Variants in GCN1 observed in about 807,000 individuals in gnomAD.
GCN1 encodes stalled ribosome sensor GCN1.
In GCN1, 90 loss-of-function variants were observed where a neutral mutation model predicts 288.4. The ratio of observed to expected loss-of-function variants is 0.31; its 90% CI spans 0.26 to 0.37. GCN1 has a LOEUF of 0.37. Among genes scored for constraint, GCN1 ranks in the 10% least tolerant of loss-of-function variants. The probability of loss-of-function intolerance (pLI) is 1.00; values close to 1 mark genes in which losing one functional copy is unlikely to be tolerated. For missense variants in GCN1, 2,586 were observed against 3,419.9 expected, an observed-to-expected ratio of 0.76 and a Z score of 6.08; for synonymous variants, 1,386 against 1,420.2, an observed-to-expected ratio of 0.98 and a Z score of 0.54.
intron 45 of GCN1, 28 bp downstream of exon 45, chr12:120,140,831 G>C: frequency 6.2e-7 from 1 of 1,606,594 alleles, no homozygotes; most frequent in Non-Finnish European, 8.5e-7. Context: ...GCAGTGCACA[G>C]CTGGCGGGAT....
chr12:120,140,527 C>T (rs1877154209), intron 45 of GCN1, among the ~76,000 whole-genome samples: 1 of 152,158 alleles, frequency 6.6e-6, no homozygotes, highest in African/African-American at 2.4e-5. Flanking sequence ...AGGAGGTGCA[C>T]ACATTTTAAC....
Position 120,156,601 on chromosome 12 carries a change from G to A in GCN1, c.3172C>T (p.Leu1058=). The change falls in exon 28 of 58, where the codon CTG becomes TTG. Residue 1058 remains leucine, a synonymous_variant. Transcript: ENST00000300648. This position sits in a 1 kb window ranked among gnomAD's most constrained non-coding sequence, Gnocchi z 5.8. The part of the protein sequence containing the change: ...IGTGSPRLQV[L]ASDTLTTLCA... ...AGGGTGGTCAGGGTGTCTGAAGCCA[G>A]AACCTAAGGAGAACATCAATCCACT... is the stretch of plus-strand genomic sequence containing the variant. The A allele has an allele frequency of 6.2e-7, 1 of 1,613,908 alleles. No individual in the cohort carries two copies. Among genetic ancestry groups the A allele is most frequent in the Non-Finnish European group, 8.5e-7 (1 of 1,179,866 alleles).
chr12:120,187,523 T>C (rs1878858961), intron 2 of GCN1, among the ~76,000 whole-genome samples: 1 of 152,020 alleles, frequency 6.6e-6, no homozygotes, highest in Non-Finnish European at 1.5e-5. Flanking sequence ...GCCATGGCCA[T>C]GGTTTTCAAA....
At position 120,137,665 on chromosome 12, in the gene GCN1, G is replaced by A. The variant is rs1337385160; in HGVS notation, c.6543C>T (p.Arg2181=). 3 of 1,614,204 alleles carry A rather than the reference G, an allele frequency of 1.9e-6. No individual in the cohort carries two copies. Among genetic ancestry groups the A allele is most frequent in the Non-Finnish European group, 2.5e-6 (3 of 1,180,024 alleles). The change falls in exon 49 of 58, where the codon CGC becomes CGT. Residue 2181 remains arginine (R), a synonymous_variant. Coordinates refer to ENST00000300648, the MANE Select transcript of GCN1 (RefSeq NM_006836.2). This position sits in a 1 kb window ranked among gnomAD's most constrained non-coding sequence, Gnocchi z 5.2. ...AAIILNIYCS[R]SKADYTSHLR... is the part of the protein sequence containing the mutation. ...GGTGGCTGGTGTAGTCAGCCTTTGA[G>A]CGGGAACAGTAGATGTTGAGGATGA... is the stretch of plus-strand genomic sequence containing the variant.
chr12:120,154,718 G>T (rs948747267), intron 31 of GCN1, among the ~76,000 whole-genome samples: 1 of 152,198 alleles, frequency 6.6e-6, no homozygotes, highest in African/African-American at 2.4e-5. Context: ...AGCCACATGC[G>T]GTTAGTGGCT....
In GCN1 at chr12:120,156,361, C is replaced by T; in HGVS notation, c.3312+100G>A. ...CTTCTTCTCTTTGCCTCTAGGCCTC[C>T]CACCAGAGTGAGGGACATTCTCTCA... On this transcript the variant is annotated intron_variant, in intron 28 of 57. Transcript: ENST00000300648. This position sits in a 1 kb window ranked among gnomAD's most constrained non-coding sequence, Gnocchi z 5.8. 1 of 1,222,784 alleles carries T rather than the reference C, an allele frequency of 8.2e-7. No individual in the cohort carries two copies. Among genetic ancestry groups the T allele is most frequent in the Non-Finnish European group, 1.2e-6 (1 of 854,768 alleles). 75.7% of individuals were successfully genotyped at this position (1,222,784 alleles called of 1,614,324 possible).
At chr12:120,167,338 A>C (rs1292293060) in intron 16 of GCN1, among the ~76,000 whole-genome samples, 1 of 145,600 alleles carries the variant, frequency 6.9e-6, no homozygotes, top group Non-Finnish European at 1.5e-5. Flanking sequence ...AGCAATAAGA[A>C]CGAAACTCCA....
intron 2 of GCN1, 42 bp from the exon 3 acceptor site, chr12:120,184,929 C>T (rs756625018): frequency 7.3e-7 from 1 of 1,364,122 alleles, no homozygotes; most frequent in Non-Finnish European, 1.0e-6. Flanking sequence ...ATAAAAATCA[C>T]TTGGTAAGCC....
In GCN1 at chr12:120,137,503, T is replaced by C. The variant is rs373984454; in HGVS notation, c.6663+42A>G. The C allele has an allele frequency of 4.4e-5, 70 of 1,601,248 alleles. No individual in the cohort carries two copies. The highest frequency in any genetic ancestry group is 5.9e-5 in the Non-Finnish European group (69 of 1,170,768). On this transcript the variant is annotated intron_variant, in intron 49 of 57. Transcript: ENST00000300648. The surrounding 1 kb of genome is among the most constrained non-coding windows in gnomAD (Gnocchi z 5.2). ...CTATTCCTGTAAATGTCTGGAATTT[T>C]CTAAAAGCAAAAGTTGGCTGTGGGG...
intron 16 of GCN1, among the ~76,000 whole-genome samples, chr12:120,167,502 T>C (rs926267716): frequency 6.6e-6 from 1 of 152,166 alleles, no homozygotes; most frequent in East Asian, 1.9e-4. Flanking sequence ...TTTACTTGCA[T>C]ATATATAAAA....
chr12:120,160,446 A>C (rs934712203), intron 22 of GCN1, 191 bp from the exon 23 acceptor site: 7 of 587,456 alleles, frequency 1.2e-5, no homozygotes, highest in Admixed American at 5.9e-5. Context: ...TATAGAATGG[A>C]GACAGCAATA....
chr12:120,149,109 A>C (rs901315705), intron 36 of GCN1, among the ~76,000 whole-genome samples: 1 of 151,930 alleles, frequency 6.6e-6, no homozygotes, highest in Non-Finnish European at 1.5e-5. Flanking sequence ...GGGGGGGAAA[A>C]CTTTAAAGCC....
chr12:120,189,148 C>A (rs1566322361), intron 2 of GCN1, among the ~76,000 whole-genome samples: 1 of 152,164 alleles, frequency 6.6e-6, no homozygotes, highest in Admixed American at 6.5e-5. Context: ...CAGCTCACTG[C>A]AACCTCCACT....
rs1177602045 is a variant in GCN1 at position 120,142,545 on chromosome 12, G to A, written c.5791C>T (p.Leu1931=). The A allele has an allele frequency of 1.2e-6, 2 of 1,614,042 alleles. No individual in the cohort carries two copies. The highest frequency in any genetic ancestry group is 1.1e-5 in the South Asian group (1 of 91,084). ...EILPTLFGLL[L]GFLASTCADK... ...GCACACGTGCTGGCCAGGAAACCCA[G>A]CAGGAGCCCAAAGAGAGTGGGTAGG... The change falls in exon 44 of 58, where the codon CTG becomes TTG. Residue 1931 remains leucine (L), a synonymous_variant. Transcript: ENST00000300648. The surrounding 1 kb of genome is among the most constrained non-coding windows in gnomAD (Gnocchi z 4.9).
At chr12:120,181,484 A>AG (rs1233126567) in intron 5 of GCN1, among the ~76,000 whole-genome samples, 1 of 149,942 alleles carries the variant, frequency 6.7e-6, no homozygotes, top group African/African-American at 2.5e-5. Context: ...AAAAAAAAAA[A>AG]AAGAAGTCTG....
At position 120,164,635 on chromosome 12, in the gene GCN1, G is replaced by C; in HGVS notation, c.1688+11C>G. On this transcript the variant is annotated intron_variant, in intron 17 of 57. Transcript: ENST00000300648. ...TTGGCCCAAAAGAAAAGGTAAGCCA[G>C]CCTCACGTACTGAACTTTGTTGCCA... 6.2e-7 allele frequency: 1 copy of C among 1,611,926 alleles called. No homozygotes were observed. Among genetic ancestry groups the C allele is most frequent in the Non-Finnish European group, 8.5e-7 (1 of 1,178,000 alleles).
In GCN1 at chr12:120,155,451, G is replaced by A; in HGVS notation, c.3441-21C>T. On this transcript the variant is annotated intron_variant, in intron 29 of 57. Transcript: ENST00000300648. This position sits in a 1 kb window ranked among gnomAD's most constrained non-coding sequence, Gnocchi z 4.9. ...AGAGCCTGTGGGAGATCCAAGGCAG[G>A]GGCTGCTTAGACAAAGATCTGCAGC... 1.2e-6 allele frequency: 2 copies of A among 1,610,182 alleles called. No individual in the cohort carries two copies. The highest frequency in any genetic ancestry group is 1.1e-5 in the South Asian group (1 of 91,052).
At chr12:120,139,017 A>AG in intron 45 of GCN1, 161 bp from the exon 46 acceptor site, 1 of 594,740 alleles carries the variant, frequency 1.7e-6, no homozygotes, top group Non-Finnish European at 2.8e-6. Flanking sequence ...AATAAAAAAA[A>AG]GGAGAGAAGG....
chr12:120,162,761 G>A lies in GCN1; in HGVS notation c.2163+86C>T, dbSNP rs146757667. On this transcript the variant is annotated intron_variant, in intron 20 of 57. Transcript: ENST00000300648. ...GCCTACATTTCATCCATCTTCACCT[G>A]CTTCTTTGAATCCTCTCTTCCTGTA... 620 of 1,428,140 alleles carry A rather than the reference G, an allele frequency of 4.3e-4. 4 individuals are homozygous for A. In the African/African-American group the frequency reaches 7.6e-3, roughly 18 times the overall value. The allele number at this position is 1,428,140 out of a possible 1,614,324, so 88.5% of individuals were successfully genotyped here.
Sources: allele counts gnomAD v4.1 joint callset (sites outside exome capture counted in the v4.1 genomes callset), GRCh38; gene constraint gnomAD v4.1.1; non-coding constraint Gnocchi (gnomAD v3.1); transcripts MANE v1.5; gene names NCBI Gene and HGNC (gene_info 2026-07-23, HGNC 2026-07-21).